The following SUGCT variants were observed in gnomAD, a reference collection of about 807,000 sequenced individuals.
SUGCT encodes the protein succinyl-CoA:glutarate-CoA transferase.
SUGCT carries 41 observed loss-of-function variants against 55.0 expected under a neutral mutation model. The ratio of observed to expected loss-of-function variants is 0.74; its 90% CI spans 0.58 to 0.97. The LOEUF is 0.97. SUGCT is among the 50% of genes least tolerant of loss of function. The probability of loss-of-function intolerance (pLI) is 0.00; values close to 1 mark genes in which losing one functional copy is unlikely to be tolerated. For synonymous variants in SUGCT, 187 were observed against 200.4 expected (o/e 0.93, Z 0.56); for missense variants, 568 against 547.8 (o/e 1.04, Z -0.37).
the SUGCT span, among the ~76,000 whole-genome samples, chr7:40,898,020 G>C: frequency 6.6e-6 from 1 of 152,134 alleles, no homozygotes; most frequent in Admixed American, 6.5e-5. Flanking sequence ...TGTGAAAGGT[G>C]TGTTCTTTCG....
chr7:40,648,435 G>A (rs1351215278), intron 12 of SUGCT, among the ~76,000 whole-genome samples: 1 of 152,056 alleles, frequency 6.6e-6, no homozygotes, highest in Non-Finnish European at 1.5e-5. Context: ...TTGTTTTCAG[G>A]TATATACCTT....
chr7:40,733,407 G>A (rs944379142), intron 12 of SUGCT, among the ~76,000 whole-genome samples: 1 of 152,100 alleles, frequency 6.6e-6, no homozygotes, highest in Non-Finnish European at 1.5e-5. Context: ...TAATCTCCTG[G>A]CCTAGAGCAA....
intron 8 of SUGCT, among the ~76,000 whole-genome samples, chr7:40,281,223 T>C (rs139038452): frequency 5.2e-4 from 70 of 135,914 alleles, no homozygotes; most frequent in Admixed American, 1.7e-3. Context: ...CTAGAAGAAT[T>C]ACCTTGAGAA....
chr7:40,489,435 CTT>C (rs1251389842), intron 11 of SUGCT, among the ~76,000 whole-genome samples: 1 of 152,170 alleles, frequency 6.6e-6, no homozygotes, highest in East Asian at 1.9e-4. Flanking sequence ...AATCCCAGAA[CTT>C]TGGGAGGCCG....
intron 6 of SUGCT, among the ~76,000 whole-genome samples, chr7:40,222,053 G>A (rs565575465): frequency 6.6e-6 from 1 of 152,260 alleles, no homozygotes; most frequent in South Asian, 2.1e-4. Context: ...TGGGGTAAGA[G>A]AGAGAAGAAC....
At chr7:41,005,805 C>A in the SUGCT span, among the ~76,000 whole-genome samples, 1 of 152,128 alleles carries the variant, frequency 6.6e-6, no homozygotes, top group Non-Finnish European at 1.5e-5. Context: ...TTTCCCTCAC[C>A]CCCAATACTG....
chr7:40,796,204 T>A (rs1290625761), intron 13 of SUGCT, among the ~76,000 whole-genome samples: 1 of 152,164 alleles, frequency 6.6e-6, no homozygotes, highest in African/African-American at 2.4e-5. Context: ...TAATAGCATC[T>A]AGAAGTAGGA....
At chr7:40,634,064 T>A (rs1799915052) in intron 12 of SUGCT, among the ~76,000 whole-genome samples, 1 of 152,098 alleles carries the variant, frequency 6.6e-6, no homozygotes, top group Non-Finnish European at 1.5e-5. Flanking sequence ...ATAGTCAAAA[T>A]GGCAGAGTGA....
At chr7:40,854,417 T>C (rs1181501054) in intron 13 of SUGCT, among the ~76,000 whole-genome samples, 2 of 68,510 alleles carry the variant, frequency 2.9e-5, no homozygotes, top group Admixed American at 1.8e-4. Flanking sequence ...CTTTCTTTCT[T>C]TCCTTTCTTT....
At chr7:40,947,581 C>A in the SUGCT span, among the ~76,000 whole-genome samples, 2 of 151,860 alleles carry the variant, frequency 1.3e-5, no homozygotes, top group Non-Finnish European at 2.9e-5. Context: ...TACAGTATAG[C>A]AATTCTGGAA....
intron 12 of SUGCT, among the ~76,000 whole-genome samples, chr7:40,548,163 C>T (rs1795096297): frequency 7.0e-6 from 1 of 143,746 alleles, no homozygotes; most frequent in African/African-American, 2.6e-5. Flanking sequence ...AAGCTATAAA[C>T]TTCTTTCTTC....
chr7:40,946,773 G>T, the SUGCT span, among the ~76,000 whole-genome samples: 1 of 152,096 alleles, frequency 6.6e-6, no homozygotes, highest in Non-Finnish European at 1.5e-5. Flanking sequence ...TCATTCCACT[G>T]ATTTCTGGTA....
At chr7:40,285,291 A>G (rs1459421507) in intron 8 of SUGCT, among the ~76,000 whole-genome samples, 1 of 152,142 alleles carries the variant, frequency 6.6e-6, no homozygotes, top group East Asian at 1.9e-4. Context: ...TGGAGAACCT[A>G]GTAGAATCAT....
intron 12 of SUGCT, among the ~76,000 whole-genome samples, chr7:40,605,796 A>G (rs1052589753): frequency 7.9e-5 from 12 of 152,220 alleles, no homozygotes; most frequent in Admixed American, 2.0e-4. Flanking sequence ...TATGTTTGAA[A>G]GATACTTGTA....
chr7:40,955,369 C>G, the SUGCT span, among the ~76,000 whole-genome samples: 1 of 152,112 alleles, frequency 6.6e-6, no homozygotes, highest in East Asian at 1.9e-4. Flanking sequence ...AGTTGTATTC[C>G]TAGGTATTTT....
intron 9 of SUGCT, among the ~76,000 whole-genome samples, chr7:40,362,216 C>T (rs1268891775): frequency 4.6e-5 from 7 of 151,976 alleles, no homozygotes; most frequent in African/African-American, 1.2e-4. Flanking sequence ...GTCAGGAGTT[C>T]GAGACCAGCC....
intron 9 of SUGCT, among the ~76,000 whole-genome samples, chr7:40,362,152 C>T (rs1798187069): frequency 1.3e-5 from 2 of 152,132 alleles, no homozygotes; most frequent in Non-Finnish European, 2.9e-5. Flanking sequence ...GGCGCAGTGG[C>T]TATCGCCTGT....
chr7:40,820,269 A>G (rs1791916002), intron 13 of SUGCT, among the ~76,000 whole-genome samples: 1 of 131,662 alleles, frequency 7.6e-6, no homozygotes. Context: ...TTCCATATGA[A>G]CTTTAAAGTA....
intron 12 of SUGCT, among the ~76,000 whole-genome samples, chr7:40,742,249 C>G (rs1455817654): frequency 3.9e-5 from 6 of 152,070 alleles, no homozygotes; most frequent in Non-Finnish European, 8.8e-5. Context: ...GGTGCATTCA[C>G]AGCAGAATGA....
Sources: gnomAD v4.1 joint callset for allele counts (sites outside exome capture counted in the v4.1 genomes callset) on GRCh38, gnomAD v4.1.1 for gene constraint, MANE v1.5 for transcripts, NCBI Gene and HGNC (gene_info 2026-07-23, HGNC 2026-07-21) for gene names.